The following ITIH5 variants were observed in gnomAD, a reference collection of about 807,000 sequenced individuals.
ITIH5 encodes inter-alpha-trypsin inhibitor heavy chain 5.
In ITIH5, 65 loss-of-function variants were observed where a neutral mutation model predicts 77.5. The ratio of observed to expected loss-of-function variants is 0.84; its 90% CI spans 0.69 to 1.03. The LOEUF is 1.03. ITIH5 is among the 50% of genes least tolerant of loss of function. The pLI, the probability that ITIH5 is intolerant of heterozygous loss-of-function variation, is 0.00. For missense variants in ITIH5, 1,208 were observed against 1,213.1 expected, an observed-to-expected ratio of 1.00 and a Z score of 0.06; for synonymous variants, 525 against 494.3, an observed-to-expected ratio of 1.06 and a Z score of -0.82.
At chr10:7,565,778 A>C (rs1394697753) in intron 13 of ITIH5, among the ~76,000 whole-genome samples, 6 of 137,064 alleles carry the variant, frequency 4.4e-5, no homozygotes, top group African/African-American at 1.8e-4. Flanking sequence ...ATATGCATAC[A>C]TACAGACTAT....
At chr10:7,609,140 C>A (rs1438611202) in intron 7 of ITIH5, among the ~76,000 whole-genome samples, 5 of 152,322 alleles carry the variant, frequency 3.3e-5, no homozygotes, top group Middle Eastern at 3.4e-3. Context: ...CTGGTCTCCA[C>A]CTTCCCATGC....
chr10:7,584,787 T>C (rs1026984134), intron 8 of ITIH5, among the ~76,000 whole-genome samples: 11 of 152,220 alleles, frequency 7.2e-5, no homozygotes, highest in African/African-American at 2.4e-4. Flanking sequence ...AGAAATCTGT[T>C]CCTTCAAGAA....
chr10:7,621,696 G>GA (rs998657065), intron 5 of ITIH5: 1 of 151,876 alleles, frequency 6.6e-6, no homozygotes, highest in Non-Finnish European at 1.5e-5. Context: ...TATTAAGGGG[G>GA]AAAAAAATCT....
intron 5 of ITIH5, among the ~76,000 whole-genome samples, chr10:7,632,378 G>A (rs976876529): frequency 6.6e-6 from 1 of 151,974 alleles, no homozygotes; most frequent in African/African-American, 2.4e-5. Flanking sequence ...CCTGATGATG[G>A]TTGTACAACT....
intron 8 of ITIH5, among the ~76,000 whole-genome samples, chr10:7,584,536 C>G (rs558827857): frequency 6.8e-4 from 103 of 152,118 alleles, no homozygotes; most frequent in African/African-American, 1.9e-3. Flanking sequence ...AACTCCTGAC[C>G]TCAGGTGATC....
intron 6 of ITIH5, 96 bp from the exon 7 acceptor site, chr10:7,616,194 C>G: frequency 1.4e-6 from 1 of 740,104 alleles, no homozygotes. Context: ...AAAGTTAAAG[C>G]ATGACAAAGA....
intron 5 of ITIH5, among the ~76,000 whole-genome samples, chr10:7,625,264 T>C (rs1013234308): frequency 6.6e-6 from 1 of 152,096 alleles, no homozygotes; most frequent in African/African-American, 2.4e-5. Flanking sequence ...GAACAGATAC[T>C]GTATAAGTCT....
intron 8 of ITIH5, among the ~76,000 whole-genome samples, chr10:7,581,734 T>TTTTTTA (rs1311077073): frequency 2.1e-5 from 3 of 146,130 alleles, no homozygotes; most frequent in African/African-American, 7.5e-5. Flanking sequence ...TTTTTTTTTT[T>TTTTTTA]TTTTTTTTTT....
intron 1 of ITIH5, among the ~76,000 whole-genome samples, chr10:7,664,410 A>AC (rs1323361856): frequency 6.6e-6 from 1 of 151,868 alleles, no homozygotes; most frequent in African/African-American, 2.4e-5. Flanking sequence ...AAAAAAAAAA[A>AC]AAAAACTAAA....
chr10:7,626,837 T>C lies in ITIH5; in HGVS notation c.653-9555A>G, dbSNP rs555704959. On this transcript the variant is annotated intron_variant, in intron 5 of 13. Coordinates refer to ENST00000397146, the MANE Select transcript of ITIH5 (RefSeq NM_030569.7). The stretch of plus-strand genomic sequence containing the variant: ...TTATCCAGATTTTCTGTAACCAGAA[T>C]TTTCTGGAACCAAAGTTAGTTATTA... Among the ~76,000 whole-genome samples, 17 of 152,286 alleles carry C rather than the reference T, an allele frequency of 1.1e-4. No individual in the cohort carries two copies. The South Asian group carries it at 2.9e-3, about 26-fold the overall frequency.
chr10:7,566,045 AGTTGCTGG>A lies in ITIH5; in HGVS notation c.2504_2511del (p.Ser835LeufsTer39). ...AGCTTCCTACCCAGCAGTCCGTGGC[AGTTGCTGG>A]AAAGGCCCTCGCTGTTGGCAATGTA... On this transcript the variant is annotated frameshift_variant, in exon 13 of 14. Coordinates refer to ENST00000397146, the MANE Select transcript of ITIH5 (RefSeq NM_030569.7). LOFTEE classifies it low-confidence loss of function (END_TRUNC). The A allele has an allele frequency of 6.2e-7, 1 of 1,613,878 alleles. No homozygotes were observed.
At chr10:7,586,547 A>G (rs1190317772) in intron 7 of ITIH5, among the ~76,000 whole-genome samples, 2 of 152,166 alleles carry the variant, frequency 1.3e-5, no homozygotes, top group Non-Finnish European at 2.9e-5. Context: ...CACGATGATG[A>G]TTGTTTTATC....
intron 2 of ITIH5, among the ~76,000 whole-genome samples, chr10:7,642,376 A>C (rs755067845): frequency 5.9e-5 from 9 of 152,324 alleles, no homozygotes; most frequent in Non-Finnish European, 1.2e-4. Context: ...TTTGGCAGAA[A>C]ATACACGTTC....
chr10:7,637,538 C>T, intron 4 of ITIH5, 60 bp from the exon 5 acceptor site: 1 of 1,558,522 alleles, frequency 6.4e-7, no homozygotes. Flanking sequence ...GCCAGGTTCC[C>T]TCAGTCCCCA....
intron 5 of ITIH5, among the ~76,000 whole-genome samples, chr10:7,632,296 G>A (rs1379292991): frequency 6.6e-6 from 1 of 152,174 alleles, no homozygotes; most frequent in Non-Finnish European, 1.5e-5. Flanking sequence ...TGGGGCTGGG[G>A]TAGCAACAGG....
chr10:7,590,815 A>G (rs1832778076), intron 7 of ITIH5, among the ~76,000 whole-genome samples: 1 of 152,220 alleles, frequency 6.6e-6, no homozygotes, highest in Non-Finnish European at 1.5e-5. Context: ...ATGGCTCTGC[A>G]TTACTGCCAC....
intron 8 of ITIH5, among the ~76,000 whole-genome samples, chr10:7,585,599 T>C (rs1832657022): frequency 6.6e-6 from 1 of 152,074 alleles, no homozygotes; most frequent in Non-Finnish European, 1.5e-5. Flanking sequence ...AACAGTATTG[T>C]TTTTGTATCA....
chr10:7,659,124 C>A (rs1253891296), intron 1 of ITIH5, among the ~76,000 whole-genome samples: 1 of 152,098 alleles, frequency 6.6e-6, no homozygotes, highest in African/African-American at 2.4e-5. Flanking sequence ...TGCCTGTAAT[C>A]CCAGCACTCC....
intron 2 of ITIH5, among the ~76,000 whole-genome samples, chr10:7,650,060 T>A (rs2131098538): frequency 6.6e-6 from 1 of 152,200 alleles, no homozygotes; most frequent in East Asian, 1.9e-4. Context: ...GATGGAAAAG[T>A]CATTTGAGGC....
Sources: allele counts gnomAD v4.1 joint callset (sites outside exome capture counted in the v4.1 genomes callset), GRCh38; gene constraint gnomAD v4.1.1; transcripts MANE v1.5; gene names NCBI Gene and HGNC (gene_info 2026-07-23, HGNC 2026-07-21).